The following SPIDR variants were observed in gnomAD, a reference collection of about 807,000 sequenced individuals.
SPIDR encodes DNA repair-scaffolding protein.
Under a neutral mutation model 104.6 loss-of-function variants are expected in SPIDR, and 93 were observed. The observed-to-expected ratio is 0.89, with a 90% CI of 0.75 to 1.06. The LOEUF (loss-of-function observed/expected upper bound fraction) is 1.06. Among genes scored for constraint, SPIDR ranks in the 50% least tolerant of loss-of-function variants. SPIDR has a pLI of 0.00. For synonymous variants in SPIDR, 431 were observed against 416.9 expected, an observed-to-expected ratio of 1.03 and a Z score of -0.41; for missense variants, 1,154 against 1,111.2, an observed-to-expected ratio of 1.04 and a Z score of -0.55.
intron 8 of SPIDR, among the ~76,000 whole-genome samples, chr8:47,594,034 C>A (rs1219884402): frequency 6.6e-6 from 1 of 151,086 alleles, no homozygotes; most frequent in Non-Finnish European, 1.5e-5. Flanking sequence ...TCCATTGTCA[C>A]AATGAGGGGA....
At chr8:47,586,673 A>T (rs909695287) in intron 8 of SPIDR, among the ~76,000 whole-genome samples, 1 of 152,090 alleles carries the variant, frequency 6.6e-6, no homozygotes, top group South Asian at 2.1e-4. Context: ...GATTTTCCCT[A>T]TGTCTCTAGC....
At chr8:47,603,920 G>A (rs2062625482) in intron 10 of SPIDR, among the ~76,000 whole-genome samples, 1 of 151,824 alleles carries the variant, frequency 6.6e-6, no homozygotes, top group Non-Finnish European at 1.5e-5. Flanking sequence ...TGGTCTTTTG[G>A]CCTTTGCTTT....
chr8:47,400,003 C>T (rs552583291), intron 6 of SPIDR, among the ~76,000 whole-genome samples: 19 of 152,190 alleles, frequency 1.2e-4, no homozygotes, highest in Non-Finnish European at 2.6e-4. Flanking sequence ...TGGAGCTGGG[C>T]GGGCACTGAC....
chr8:47,531,715 A>G (rs2086027682), intron 8 of SPIDR, among the ~76,000 whole-genome samples: 1 of 152,144 alleles, frequency 6.6e-6, no homozygotes, highest in Non-Finnish European at 1.5e-5. Flanking sequence ...TCCAGTTCCA[A>G]GAAAGTCTTA....
At chr8:47,516,362 A>G (rs895691819) in intron 8 of SPIDR, among the ~76,000 whole-genome samples, 3 of 152,178 alleles carry the variant, frequency 2.0e-5, no homozygotes, top group Non-Finnish European at 4.4e-5. Context: ...TGGTGCAACC[A>G]ACACCGCTCT....
At chr8:47,699,233 G>A (rs1224974743) in intron 11 of SPIDR, among the ~76,000 whole-genome samples, 2 of 152,180 alleles carry the variant, frequency 1.3e-5, no homozygotes, top group Admixed American at 6.5e-5. Context: ...CACTCTGAGC[G>A]TAGAAACCTT....
At chr8:47,341,685 C>T (rs557444013) in intron 5 of SPIDR, among the ~76,000 whole-genome samples, 1 of 152,284 alleles carries the variant, frequency 6.6e-6, no homozygotes, top group East Asian at 1.9e-4. Flanking sequence ...TACCCACTTC[C>T]TAAGTTTTGG....
intron 8 of SPIDR, among the ~76,000 whole-genome samples, chr8:47,577,140 CCTAGAGA>C (rs1408668862): frequency 6.6e-6 from 1 of 152,198 alleles, no homozygotes; most frequent in Non-Finnish European, 1.5e-5. Flanking sequence ...GAGCTGTGGG[CCTAGAGA>C]CTTAAGTTAT....
chr8:47,389,320 A>G (rs1245708299), intron 5 of SPIDR, among the ~76,000 whole-genome samples: 2 of 152,182 alleles, frequency 1.3e-5, no homozygotes, highest in Non-Finnish European at 2.9e-5. Context: ...TAAAAGAAAA[A>G]CAAATTTAAA....
At chr8:47,432,754 C>T (rs533458816) in intron 7 of SPIDR, among the ~76,000 whole-genome samples, 29 of 152,180 alleles carry the variant, frequency 1.9e-4, no homozygotes, top group African/African-American at 6.7e-4. Context: ...AAGGAAGCTA[C>T]GGGATTTGAG....
chr8:47,420,653 C>T (rs2065269016), intron 7 of SPIDR, among the ~76,000 whole-genome samples: 1 of 152,158 alleles, frequency 6.6e-6, no homozygotes, highest in Admixed American at 6.5e-5. Context: ...TTGATCCCGT[C>T]ATTATGATGT....
chr8:47,362,675 C>T (rs980222981), intron 5 of SPIDR, among the ~76,000 whole-genome samples: 16 of 152,186 alleles, frequency 1.1e-4, no homozygotes, highest in Admixed American at 2.6e-4. Context: ...TTTTTCGAGA[C>T]GGAGTCTGAC....
At chr8:47,516,929 C>T (rs1186704086) in intron 8 of SPIDR, among the ~76,000 whole-genome samples, 1 of 152,164 alleles carries the variant, frequency 6.6e-6, no homozygotes, top group Non-Finnish European at 1.5e-5. Flanking sequence ...TTCTCACCAA[C>T]ACTTGTTATT....
chr8:47,422,411 G>A (rs1404167478), intron 7 of SPIDR, among the ~76,000 whole-genome samples: 1 of 152,320 alleles, frequency 6.6e-6, no homozygotes, highest in South Asian at 2.1e-4. Context: ...TCCGAGCCAC[G>A]TGCGGGATAC....
intron 5 of SPIDR, among the ~76,000 whole-genome samples, chr8:47,335,927 T>C (rs1286516291): frequency 2.0e-5 from 3 of 152,218 alleles, no homozygotes; most frequent in Admixed American, 2.0e-4. Flanking sequence ...TTTGCTTTTT[T>C]TTTTTTAATT....
At chr8:47,707,741 C>T (rs1349761770) in intron 14 of SPIDR, among the ~76,000 whole-genome samples, 1 of 152,160 alleles carries the variant, frequency 6.6e-6, no homozygotes, top group Non-Finnish European at 1.5e-5. Flanking sequence ...CTTTACCTTC[C>T]AAGTCCATGA....
chr8:47,433,942 C>T (rs1236777683), intron 7 of SPIDR, among the ~76,000 whole-genome samples: 1 of 152,000 alleles, frequency 6.6e-6, no homozygotes, highest in Non-Finnish European at 1.5e-5. Flanking sequence ...GCTAGGAGCC[C>T]CAAAATGCTA....
At chr8:47,306,652 T>A (rs2043141066) in intron 5 of SPIDR, among the ~76,000 whole-genome samples, 1 of 152,224 alleles carries the variant, frequency 6.6e-6, no homozygotes, top group Non-Finnish European at 1.5e-5. Context: ...TCCTTACTTA[T>A]CTTCGATCTG....
At chr8:47,509,028 G>C (rs1259096088) in intron 8 of SPIDR, among the ~76,000 whole-genome samples, 7 of 152,176 alleles carry the variant, frequency 4.6e-5, no homozygotes, top group Admixed American at 2.0e-4. Context: ...CGAGAGAAGA[G>C]CGGCTATTGA....
Sources: allele counts gnomAD v4.1 joint callset (sites outside exome capture counted in the v4.1 genomes callset), GRCh38; gene constraint gnomAD v4.1.1; transcripts MANE v1.5; gene names NCBI Gene and HGNC (gene_info 2026-07-23, HGNC 2026-07-21).